EPB41L3: variants seen among roughly 807,000 people sequenced by gnomAD.
EPB41L3 encodes erythrocyte membrane protein band 4.1 like 3, also known as band 4.1-like protein 3.
Under a neutral mutation model 127.1 loss-of-function variants are expected in EPB41L3, and 57 were observed. The ratio of observed to expected loss-of-function variants is 0.45; its 90% confidence interval spans 0.36 to 0.56. The LOEUF is 0.56. Ranked by LOEUF, EPB41L3 falls within the 20% of genes least tolerant of loss-of-function variation. The pLI, the probability that EPB41L3 is intolerant of heterozygous loss-of-function variation, is 0.00. For synonymous variants in EPB41L3, 572 were observed against 549.5 expected, an observed-to-expected ratio of 1.04 and a Z score of -0.57; for missense variants, 1,273 against 1,372.2, an observed-to-expected ratio of 0.93 and a Z score of 1.14.
intron 1 of EPB41L3, among the ~76,000 whole-genome samples, chr18:5,500,535 G>A (rs1323098955): frequency 3.9e-5 from 6 of 152,290 alleles, no homozygotes; most frequent in East Asian, 1.9e-4. Context: ...ATGCCTTAGC[G>A]AGGGGGCAAT....
Position 5,622,654 on chromosome 18 carries a change from A to G in EPB41L3, c.-468+6268T>C, listed in dbSNP as rs1389542198. ...TAAAAAAGGCACCCAACGTTCAAAGAGACAACTATTTTAGGCAGAATGCAA... is the reference window on the plus strand; with the variant it reads ...TAAAAAAGGCACCCAACGTTCAAAGGGACAACTATTTTAGGCAGAATGCAA... On this transcript the variant is annotated intron_variant, in intron 1 of 21. Coordinates refer to the EPB41L3 transcript ENST00000545076. Among the ~76,000 whole-genome samples, 5 of 152,324 alleles carry G rather than the reference A, an allele frequency of 3.3e-5. No homozygotes were observed. In the East Asian group the frequency reaches 9.6e-4, roughly 29 times the overall value.
At chr18:5,485,800 T>C (rs1036152221) in intron 2 of EPB41L3, among the ~76,000 whole-genome samples, 9 of 151,882 alleles carry the variant, frequency 5.9e-5, no homozygotes, top group Non-Finnish European at 1.2e-4. Flanking sequence ...AAGATCGGTG[T>C]AAGGAAAACT....
chr18:5,484,519 T>TTA (rs1555743756), intron 2 of EPB41L3, among the ~76,000 whole-genome samples: 2 of 146,366 alleles, frequency 1.4e-5, no homozygotes, highest in African/African-American at 5.0e-5. Context: ...GAAATTGAGA[T>TTA]AAAAAAAAAA....
chr18:5,570,158 A>G (rs1185464951), intron 3 of EPB41L3: 1 of 152,018 alleles, frequency 6.6e-6, no homozygotes, highest in Non-Finnish European at 1.5e-5. Context: ...CAGCGATCAC[A>G]TCTTTATTTT....
At chr18:5,626,685 A>T (rs1479378187) in intron 1 of EPB41L3, among the ~76,000 whole-genome samples, 1 of 152,232 alleles carries the variant, frequency 6.6e-6, no homozygotes, top group Non-Finnish European at 1.5e-5. Flanking sequence ...TTCTCCTTAC[A>T]GATAAGGAAG....
intron 1 of EPB41L3, among the ~76,000 whole-genome samples, chr18:5,493,998 C>T (rs546646060): frequency 4.9e-4 from 74 of 152,286 alleles, no homozygotes; most frequent in Non-Finnish European, 9.3e-4. Flanking sequence ...AAATCCATCT[C>T]ACTCTTTAAA....
intron 3 of EPB41L3, among the ~76,000 whole-genome samples, chr18:5,604,253 TC>T (rs1486030902): frequency 6.7e-6 from 1 of 148,938 alleles, no homozygotes; most frequent in Non-Finnish European, 1.5e-5. Flanking sequence ...TTTGACTTAC[TC>T]TTTTTTTTTT....
intron 3 of EPB41L3, among the ~76,000 whole-genome samples, chr18:5,603,227 T>C (rs1004550496): frequency 5.3e-5 from 8 of 152,278 alleles, no homozygotes; most frequent in Non-Finnish European, 1.0e-4. Context: ...TAGGAGTCAT[T>C]AAAAGGAAGG....
intron 2 of EPB41L3, among the ~76,000 whole-genome samples, chr18:5,484,583 G>C (rs1274495596): frequency 6.7e-6 from 1 of 150,102 alleles, no homozygotes; most frequent in Non-Finnish European, 1.5e-5. Context: ...AAACAAAATA[G>C]ACAAACCTTT....
At chr18:5,393,841 T>A (rs567677819) in intron 22 of EPB41L3, 16 of 197,372 alleles carry the variant, frequency 8.1e-5, no homozygotes, top group Non-Finnish European at 1.3e-4. Context: ...AAACATTTTA[T>A]CACATCACCA....
At chr18:5,571,764 A>G (rs2094283749) in intron 3 of EPB41L3, among the ~76,000 whole-genome samples, 1 of 152,156 alleles carries the variant, frequency 6.6e-6, no homozygotes, top group Non-Finnish European at 1.5e-5. Context: ...CATCAGGGCA[A>G]AATAACTCCA....
intron 1 of EPB41L3, among the ~76,000 whole-genome samples, chr18:5,535,197 G>A (rs570251863): frequency 1.8e-3 from 274 of 151,830 alleles, no homozygotes; most frequent in African/African-American, 4.7e-3. Flanking sequence ...CACAACCCCC[G>A]TCCATGGAAA....
chr18:5,424,297 T>A lies in EPB41L3; in HGVS notation c.1128A>T (p.Leu376Phe). The stretch of plus-strand genomic sequence containing the variant: ...TATGATGCTCAACACATACTTTCCA[T>A]AAACGCTTGGCAGCTCGATGGTTTG... Reference protein sequence around the residue: ...KLPNHRAAKRLWKVCVEHHTF... With the variant: ...KLPNHRAAKRFWKVCVEHHTF... The change falls in exon 10 of 23, where the codon TTA (leucine) becomes TTT (phenylalanine). Residue 376 changes from leucine to phenylalanine, a missense_variant. Around this residue, in one of 3 missense-constraint regions of EPB41L3, gnomAD observed 326 missense variants for 440.2 expected, o/e 0.74. Coordinates refer to ENST00000341928, the MANE Select transcript of EPB41L3 (RefSeq NM_012307.5). 2 of 1,608,278 alleles carry A rather than the reference T, an allele frequency of 1.2e-6. No homozygotes were observed. The highest frequency in any genetic ancestry group is 1.7e-6 in the Non-Finnish European group (2 of 1,177,464).
intron 1 of EPB41L3, among the ~76,000 whole-genome samples, chr18:5,528,209 C>G (rs1486024292): frequency 6.6e-6 from 1 of 152,020 alleles, no homozygotes; most frequent in African/African-American, 2.4e-5. Context: ...GCTCTGTCAC[C>G]CAAGCGTGGA....
intron 15 of EPB41L3, chr18:5,407,456 T>C: frequency 1.8e-6 from 1 of 554,934 alleles, no homozygotes; most frequent in Non-Finnish European, 3.2e-6. Flanking sequence ...AAGATTACTA[T>C]GTTTGACATA....
chr18:5,485,423 C>CT (rs1433131396), intron 2 of EPB41L3, among the ~76,000 whole-genome samples: 2 of 152,080 alleles, frequency 1.3e-5, no homozygotes, highest in Admixed American at 1.3e-4. Context: ...GGCCTTTCCT[C>CT]TAAGGACTAG....
chr18:5,481,814 C>T (rs1369502089), intron 2 of EPB41L3, among the ~76,000 whole-genome samples: 4 of 152,136 alleles, frequency 2.6e-5, no homozygotes, highest in African/African-American at 9.7e-5. Flanking sequence ...GCACTCCCAT[C>T]GCTTACGAGA....
At chr18:5,585,400 T>G (rs1408330387) in intron 3 of EPB41L3, among the ~76,000 whole-genome samples, 2 of 152,126 alleles carry the variant, frequency 1.3e-5, no homozygotes, top group African/African-American at 4.8e-5. Context: ...GACTCCTGGG[T>G]TCAGGCAATT....
At chr18:5,610,644 AAG>A (rs2094715040) in intron 3 of EPB41L3, among the ~76,000 whole-genome samples, 1 of 152,202 alleles carries the variant, frequency 6.6e-6, no homozygotes, top group African/African-American at 2.4e-5. Flanking sequence ...ATCTAGTATA[AAG>A]TGATTTACAC....
Sources: allele counts gnomAD v4.1 joint callset (sites outside exome capture counted in the v4.1 genomes callset), GRCh38; gene constraint gnomAD v4.1.1; regional missense constraint gnomAD v4.1.1; transcripts MANE v1.5; gene names NCBI Gene and HGNC (gene_info 2026-07-23, HGNC 2026-07-21).